The following SOHLH1 variants were observed in gnomAD, a reference collection of about 807,000 sequenced individuals.
SOHLH1 encodes the protein spermatogenesis- and oogenesis-specific basic helix-loop-helix-containing protein 1.
SOHLH1 carries 23 observed loss-of-function variants against 36.2 expected under a neutral mutation model. The observed-to-expected ratio is 0.64, with a 90% CI of 0.46 to 0.90. The LOEUF is 0.90. Among genes scored for constraint, SOHLH1 ranks in the 40% least tolerant of loss-of-function variants. SOHLH1 has a pLI of 0.00. For synonymous variants in SOHLH1, 289 were observed against 228.3 expected (o/e 1.27, Z -2.40); for missense variants, 608 against 517.0 (o/e 1.18, Z -1.71).
intron 2 of SOHLH1, 95 bp from the exon 3 acceptor site, chr9:135,698,571 C>T (rs1224187571): frequency 1.3e-6 from 2 of 1,567,110 alleles, no homozygotes; most frequent in African/African-American, 2.7e-5. Flanking sequence ...ACCCTGGGCG[C>T]TTGTCAGGCA....
At position 135,696,750 on chromosome 9, in the gene SOHLH1, C is replaced by T; in HGVS notation, c.523G>A (p.Ala175Thr). Reference protein sequence around the residue: ...ESPWSLDPASASPEPVPHILA... With the variant: ...ESPWSLDPASTSPEPVPHILA... ...ATGTGCGGCACGGGCTCTGGGCTGG[C>T]CGACGCTGGATCCAGGGACCAAGGA... is the stretch of plus-strand genomic sequence containing the variant. Residue 175 changes from alanine to threonine, a missense_variant, in exon 5 of 8, where the codon GCC becomes ACC. Physicochemically the swap from Ala to Thr is moderately conservative, Grantham distance 58. Coordinates refer to ENST00000425225, the MANE Select transcript of SOHLH1 (RefSeq NM_001101677.2). 6.2e-7 allele frequency: 1 copy of T among 1,613,118 alleles called. No homozygotes were observed. Among genetic ancestry groups the T allele is most frequent in the Non-Finnish European group, 8.5e-7 (1 of 1,180,004 alleles).
rs775523387 is a variant in SOHLH1, at chr9:135,699,048, G to T, written c.144C>A (p.Ala48=). The T allele has an allele frequency of 1.9e-6, 3 of 1,611,348 alleles. No homozygotes were observed. The highest frequency in any genetic ancestry group is 1.7e-5 in the Admixed American group (1 of 59,998). Residue 48 remains alanine, a synonymous_variant, in exon 2 of 8, where the codon GCC becomes GCA. Transcript: ENST00000425225. ...GSGPPKAPTV[A]EGPSSCLRRN... ...GCCGAAGGCAGGAGCTGGGACCCTC[G>T]GCCACCGTAGGGGCCTTGGGCGGGC...
intron 7 of SOHLH1, chr9:135,694,021 C>T (rs999551915): frequency 2.8e-5 from 40 of 1,426,924 alleles, no homozygotes; most frequent in Non-Finnish European, 3.7e-5. Context: ...GGAACGGGCT[C>T]CCAAACACTA....
intron 3 of SOHLH1, 119 bp downstream of exon 3, chr9:135,698,210 G>C: frequency 1.4e-6 from 2 of 1,416,606 alleles, no homozygotes; most frequent in Non-Finnish European, 2.0e-6. Flanking sequence ...TGCTCTAGCC[G>C]TGGAGACCCA....
At position 135,699,025 on chromosome 9, in the gene SOHLH1, C is replaced by T. The variant is rs2131297746; in HGVS notation, c.167G>A (p.Arg56Gln). The T allele has an allele frequency of 1.2e-6, 2 of 1,611,612 alleles. No individual in the cohort carries two copies. Among genetic ancestry groups the T allele is most frequent in the African/African-American group, 1.3e-5 (1 of 75,012 alleles). ...CTCCCTCTCGCTGATCACGTTCCGC[C>T]GAAGGCAGGAGCTGGGACCCTCGGC... ...TVAEGPSSCL[R>Q]RNVISERERR... The change falls in exon 2 of 8, where the codon CGG becomes CAG. Residue 56 changes from arginine (R) to glutamine (Q), a missense_variant. By Grantham distance (43) the Arg-to-Gln change is conservative (BLOSUM62 1). Coordinates refer to ENST00000425225, the MANE Select transcript of SOHLH1 (RefSeq NM_001101677.2).
upstream of SOHLH1, among the ~76,000 whole-genome samples, chr9:135,699,692 G>C (rs879823131): frequency 2.0e-5 from 3 of 152,128 alleles, no homozygotes; most frequent in South Asian, 6.2e-4. Flanking sequence ...AGGGACTCGG[G>C]GGGTCCACCC....
In SOHLH1 at chr9:135,699,090, G is replaced by A. The variant is rs569718249; in HGVS notation, c.102C>T (p.Asp34=). The A allele has an allele frequency of 3.4e-5, 55 of 1,609,332 alleles. No homozygotes were observed. In the East Asian group the frequency reaches 6.5e-4, roughly 19 times the overall value. ...TGGGCGGGCCCGAGCCCCGGGCCGA[G>A]TCCTCGCAGCAGGAGAGGGCACCAG... ...SLSGALSCCE[D]SARGSGPPKA... Residue 34 remains aspartate, a synonymous_variant, in exon 2 of 8, where the codon GAC becomes GAT. Coordinates refer to ENST00000425225, the MANE Select transcript of SOHLH1 (RefSeq NM_001101677.2).
rs1834822774 is a variant in SOHLH1 at position 135,696,811 on chromosome 9, A to T, written c.468-6T>A. 1 of 1,612,864 alleles carries T rather than the reference A, an allele frequency of 6.2e-7. No individual in the cohort carries two copies. Among genetic ancestry groups the T allele is most frequent in the Non-Finnish European group, 8.5e-7 (1 of 1,179,966 alleles). On this transcript the variant is annotated splice_region_variant and splice_polypyrimidine_tract_variant and intron_variant, in intron 4 of 7. Transcript: ENST00000425225. ...ACGCCTTCACATCTGGGGTTCTAGA[A>T]GGAGCAACATGACAAGGATCCTGGG...
chr9:135,693,542 C>G lies in SOHLH1; in HGVS notation c.*55G>C. ...AAAATGCCCAAGCACGCGACAGGGA[C>G]ACACACGGCTCCAGATCCACCGGCC... is the stretch of plus-strand genomic sequence containing the variant. On this transcript the variant is annotated 3_prime_UTR_variant, in exon 8 of 8. Transcript: ENST00000425225. 6.6e-7 allele frequency: 1 copy of G among 1,513,244 alleles called. No individual in the cohort carries two copies. Among genetic ancestry groups the G allele is most frequent in the South Asian group, 1.2e-5 (1 of 80,566 alleles). The allele number at this position is 1,513,244 out of a possible 1,614,324, so 93.7% of individuals were successfully genotyped here. A position where few individuals can be genotyped will look rare whatever the true frequency, so the allele number is the denominator to read the frequency against.
At position 135,693,554 on chromosome 9, in the gene SOHLH1, C is replaced by T. The variant is rs929701341; in HGVS notation, c.*43G>A. The T allele has an allele frequency of 7.2e-6, 11 of 1,524,774 alleles. No individual in the cohort carries two copies. The highest frequency in any genetic ancestry group is 9.7e-6 in the Non-Finnish European group (11 of 1,128,404). The allele number at this position is 1,524,774 out of a possible 1,614,324, so 94.5% of individuals were successfully genotyped here. On this transcript the variant is annotated 3_prime_UTR_variant, in exon 8 of 8. Coordinates refer to ENST00000425225, the MANE Select transcript of SOHLH1 (RefSeq NM_001101677.2). ...CACGCGACAGGGACACACACGGCTC[C>T]AGATCCACCGGCCCCGCCCGCCTCC...
At chr9:135,699,318 T>A in intron 1 of SOHLH1, 85 bp downstream of exon 1, 1 of 1,515,966 alleles carries the variant, frequency 6.6e-7, no homozygotes, top group Non-Finnish European at 9.0e-7. Flanking sequence ...AGGCCCAGGA[T>A]GGGTGGAGCC....
At chr9:135,698,279 C>G (rs1231382111) in intron 3 of SOHLH1, 50 bp downstream of exon 3, 8 of 1,610,680 alleles carry the variant, frequency 5.0e-6, no homozygotes, top group Non-Finnish European at 6.8e-6. Flanking sequence ...GGTGAGATGT[C>G]CCATCACCGT....
intron 4 of SOHLH1, 145 bp downstream of exon 4, chr9:135,697,361 T>G (rs1172092707): frequency 8.1e-7 from 1 of 1,227,858 alleles, no homozygotes; most frequent in African/African-American, 1.5e-5. Context: ...GCCACCTGAG[T>G]TGGCAGGGCC....
upstream of SOHLH1, chr9:135,699,511 G>A (rs1834959319): frequency 3.8e-6 from 6 of 1,591,146 alleles, no homozygotes; most frequent in Non-Finnish European, 5.1e-6. Context: ...GGCCCCTTCC[G>A]CAGGCAGCCC....
In SOHLH1 at chr9:135,696,640, C is replaced by T; in HGVS notation, c.633G>A (p.Gln211=). The change falls in exon 5 of 8, where the codon CAG becomes CAA. Residue 211 remains glutamine, a synonymous_variant. Coordinates refer to ENST00000425225, the MANE Select transcript of SOHLH1 (RefSeq NM_001101677.2). ...AGAAAGGGGGCAGCCCACCCCGCACCTGGCACAGCCCCAACAGTGCCTCAC... is the reference window on the plus strand; with the variant it reads ...AGAAAGGGGGCAGCCCACCCCGCACTTGGCACAGCCCCAACAGTGCCTCAC... ...DKCEALLGLC[Q]VRGGLPPFSE... 1 of 1,612,694 alleles carries T rather than the reference C, an allele frequency of 6.2e-7. No individual in the cohort carries two copies. The highest frequency in any genetic ancestry group is 2.2e-5 in the East Asian group (1 of 44,870).
chr9:135,699,282 C>G (rs968527543), intron 1 of SOHLH1, 121 bp downstream of exon 1: 3 of 1,494,978 alleles, frequency 2.0e-6, no homozygotes, highest in Middle Eastern at 1.7e-4. Context: ...CTTCCCCTCT[C>G]CCAGGGTCCA....
intron 7 of SOHLH1, 61 bp from the exon 8 acceptor site, chr9:135,693,875 A>C: frequency 6.6e-7 from 1 of 1,511,952 alleles, no homozygotes; most frequent in African/African-American, 1.4e-5. Flanking sequence ...TGAGGCAGAC[A>C]GGTGGGGTCG....
At position 135,698,219 on chromosome 9, in the gene SOHLH1, C is replaced by T; in HGVS notation, c.345+110G>A. On this transcript the variant is annotated intron_variant, in intron 3 of 7. Coordinates refer to ENST00000425225, the MANE Select transcript of SOHLH1 (RefSeq NM_001101677.2). ...GTGGCCTGCTCTAGCCGTGGAGACC[C>T]AGAGGGCTGAAGGAGACGGGGATGA... The T allele has an allele frequency of 2.0e-6, 3 of 1,497,834 alleles. No homozygotes were observed. The East Asian group carries it at 6.8e-5, about 34-fold the overall frequency. The allele number at this position is 1,497,834 out of a possible 1,614,324, so 92.8% of individuals were successfully genotyped here.
chr9:135,698,683 C>T (rs1189496266), intron 2 of SOHLH1, among the ~76,000 whole-genome samples: 1 of 152,204 alleles, frequency 6.6e-6, no homozygotes, highest in Non-Finnish European at 1.5e-5. Context: ...CGGCGACAGG[C>T]TGTCCAGCCC....
Sources: allele counts gnomAD v4.1 joint callset (sites outside exome capture counted in the v4.1 genomes callset), GRCh38; gene constraint gnomAD v4.1.1; transcripts MANE v1.5; gene names NCBI Gene and HGNC (gene_info 2026-07-23, HGNC 2026-07-21).